Variants in DENND2C observed in about 807,000 individuals in gnomAD.
The protein encoded by DENND2C is DENN domain-containing protein 2C.
A neutral mutation model predicts 112.4 loss-of-function variants in DENND2C; 72 were observed. The ratio of observed to expected loss-of-function variants is 0.64; its 90% CI spans 0.53 to 0.78. DENND2C has a LOEUF of 0.78. DENND2C is among the 30% of genes least tolerant of loss of function. The pLI, the probability that DENND2C is intolerant of heterozygous loss-of-function variation, is 0.00. For missense variants in DENND2C, 992 were observed against 1,113.8 expected (o/e 0.89, Z 1.56); for synonymous variants, 329 against 381.6 (o/e 0.86, Z 1.61).
chr1:114,595,983 G>T, intron 16 of DENND2C, 110 bp from the exon 17 acceptor site: 1 of 962,004 alleles, frequency 1.0e-6, no homozygotes. Context: ...CCATTTAAAA[G>T]TTAGCCAATC....
intron 3 of DENND2C, among the ~76,000 whole-genome samples, chr1:114,632,685 C>T (rs914582705): frequency 7.2e-5 from 11 of 152,134 alleles, no homozygotes; most frequent in African/African-American, 2.7e-4. Context: ...TTTAAAGGTA[C>T]ACATAAAGTT....
chr1:114,664,971 G>A (rs1657605801), intron 1 of DENND2C, among the ~76,000 whole-genome samples: 1 of 151,852 alleles, frequency 6.6e-6, no homozygotes, highest in African/African-American at 2.4e-5. Flanking sequence ...GTGTGCGCCT[G>A]TAGTCCCAGC....
chr1:114,653,842 T>A (rs1657235167), intron 2 of DENND2C, among the ~76,000 whole-genome samples: 1 of 152,154 alleles, frequency 6.6e-6, no homozygotes, highest in South Asian at 2.1e-4. Flanking sequence ...GACAAAGATA[T>A]ATGTACAAGA....
Position 114,612,162 on chromosome 1 carries a change from A to G in DENND2C, c.1325-1045T>C, listed in dbSNP as rs574628853. Among the ~76,000 whole-genome samples, 3 of 152,326 alleles carry G rather than the reference A, an allele frequency of 2.0e-5. No individual in the cohort carries two copies. In the South Asian group the frequency reaches 6.2e-4, roughly 32 times the overall value. On this transcript the variant is annotated intron_variant, in intron 8 of 20. Transcript: ENST00000393274. ...ATAAACATGAAAACTGCCCAAATTC[A>G]TAACGAAATAAATGTAAATTAAAAC... is the stretch of plus-strand genomic sequence containing the variant.
intron 15 of DENND2C, 33 bp from the exon 16 acceptor site, chr1:114,599,484 A>G (rs768553799): frequency 2.0e-6 from 3 of 1,520,106 alleles, no homozygotes; most frequent in East Asian, 4.6e-5. Context: ...GGTGTCATAT[A>G]TAGAGTAACA....
chr1:114,631,660 T>G (rs932674913), intron 3 of DENND2C, among the ~76,000 whole-genome samples: 1 of 152,084 alleles, frequency 6.6e-6, no homozygotes, highest in Non-Finnish European at 1.5e-5. Context: ...CGGGTGCCTG[T>G]AGTCCCAGCT....
chr1:114,603,198 T>C (rs1445644484), intron 11 of DENND2C, among the ~76,000 whole-genome samples: 20 of 151,838 alleles, frequency 1.3e-4, no homozygotes, highest in Non-Finnish European at 2.8e-4. Flanking sequence ...TGGAGTGCAG[T>C]GGCGCAATCT....
intron 3 of DENND2C, among the ~76,000 whole-genome samples, chr1:114,642,279 G>A (rs1000202401): frequency 6.6e-6 from 1 of 152,016 alleles, no homozygotes; most frequent in African/African-American, 2.4e-5. Context: ...AATATTTCAT[G>A]GTGTGCAAGA....
intron 3 of DENND2C, among the ~76,000 whole-genome samples, chr1:114,636,584 G>C (rs1336653619): frequency 6.6e-6 from 1 of 152,096 alleles, no homozygotes; most frequent in Non-Finnish European, 1.5e-5. Flanking sequence ...AATGGGGGGA[G>C]GACTGCTTCA....
In DENND2C at chr1:114,625,902, C is replaced by A. The variant is rs777769902; in HGVS notation, c.83G>T (p.Trp28Leu). 14 of 1,614,054 alleles carry A rather than the reference C, an allele frequency of 8.7e-6. No individual in the cohort carries two copies. The South Asian group carries it at 1.5e-4, about 18-fold the overall frequency. ...AGATATACCATTAGCCCTTCCTTCC[C>A]ATTGAGAAATTTTTTGTTTGATGTT... The part of the protein sequence containing the change: ...CKNIKQKISQ[W>L]EGRANGISNP... Residue 28 changes from tryptophan (W) to leucine (L), a missense_variant, in exon 4 of 21, where the codon TGG (tryptophan) becomes TTG (leucine). Trp to Leu is a moderately conservative substitution (Grantham distance 61). Coordinates refer to ENST00000393274, the MANE Select transcript of DENND2C (RefSeq NM_001256404.2).
chr1:114,659,639 G>A (rs1010176930), intron 1 of DENND2C, among the ~76,000 whole-genome samples: 28 of 152,188 alleles, frequency 1.8e-4, no homozygotes. Context: ...TTCAAAGGTA[G>A]TTCACTAGAC....
intron 2 of DENND2C, among the ~76,000 whole-genome samples, chr1:114,651,653 G>C (rs1657169031): frequency 6.6e-6 from 1 of 152,022 alleles, no homozygotes; most frequent in South Asian, 2.1e-4. Flanking sequence ...GCAGGAGAAT[G>C]ACTTGAAGTT....
Position 114,584,427 on chromosome 1 carries a change from A to G in DENND2C, c.*1173T>C, listed in dbSNP as rs1452469550. ...GCCAGGATTACAGGCACCTGCCACC[A>G]CACCCAGCTAATTTTTTGTGTGTAT... On this transcript the variant is annotated 3_prime_UTR_variant, in exon 21 of 21. Coordinates refer to ENST00000393274, the MANE Select transcript of DENND2C (RefSeq NM_001256404.2). 4 of 152,030 alleles carry G rather than the reference A, an allele frequency of 2.6e-5. No individual in the cohort carries two copies. Among genetic ancestry groups the G allele is most frequent in the African/African-American group, 7.3e-5 (3 of 41,342 alleles). The allele number at this position is 152,030 out of a possible 1,614,324, so 9.4% of individuals were successfully genotyped here.
intron 11 of DENND2C, among the ~76,000 whole-genome samples, chr1:114,602,412 C>T (rs920521303): frequency 4.6e-5 from 7 of 152,142 alleles, no homozygotes; most frequent in Non-Finnish European, 1.0e-4. Flanking sequence ...ACATTCATTG[C>T]AAGTTACACT....
chr1:114,622,053 G>T lies in DENND2C; in HGVS notation c.1069C>A (p.Pro357Thr). ...ATAGTCTTCCGGTGAAGGAACTGAG[G>T]TTTTGGAGGGAGCTAAAACAGGAGA... Reference protein sequence around the residue: ...AFKAPKLPPKPQFLHRKTMEV... With the variant: ...AFKAPKLPPKTQFLHRKTMEV... Residue 357 changes from proline (P) to threonine (T), a missense_variant, in exon 7 of 21, where the codon CCT becomes ACT. By Grantham distance (38) the Pro-to-Thr change is conservative. Coordinates refer to ENST00000393274, the MANE Select transcript of DENND2C (RefSeq NM_001256404.2). 6.5e-7 allele frequency: 1 copy of T among 1,540,398 alleles called. No homozygotes were observed. The highest frequency in any genetic ancestry group is 8.7e-7 in the Non-Finnish European group (1 of 1,143,532).
intron 3 of DENND2C, among the ~76,000 whole-genome samples, chr1:114,628,316 A>G (rs1156607408): frequency 7.0e-6 from 1 of 143,878 alleles, no homozygotes; most frequent in Non-Finnish European, 1.5e-5. Context: ...CGAGACCCCA[A>G]CTCAAAAAAA....
intron 3 of DENND2C, among the ~76,000 whole-genome samples, chr1:114,644,793 T>C (rs575867453): frequency 6.6e-6 from 1 of 152,206 alleles, no homozygotes; most frequent in South Asian, 2.1e-4. Flanking sequence ...CATAATTTAA[T>C]AGCACATAAC....
At chr1:114,653,379 G>A (rs879797300) in intron 2 of DENND2C, among the ~76,000 whole-genome samples, 4 of 152,106 alleles carry the variant, frequency 2.6e-5, no homozygotes, top group African/African-American at 4.8e-5. Flanking sequence ...CAAGTGCTGG[G>A]ATTACAGGTG....
At chr1:114,614,904 C>T (rs891798878) in intron 8 of DENND2C, among the ~76,000 whole-genome samples, 12 of 151,910 alleles carry the variant, frequency 7.9e-5, no homozygotes, top group Admixed American at 7.9e-4. Context: ...ATCACAGCTA[C>T]TCGGGAGGCT....
Sources: allele counts gnomAD v4.1 joint callset (sites outside exome capture counted in the v4.1 genomes callset), GRCh38; gene constraint gnomAD v4.1.1; transcripts MANE v1.5; gene names NCBI Gene and HGNC (gene_info 2026-07-23, HGNC 2026-07-21).